Variants in FBXO2 observed in about 807,000 individuals in gnomAD.
The protein encoded by FBXO2 is F-box only protein 2.
FBXO2 carries 32 observed loss-of-function variants against 38.6 expected under a neutral mutation model. The observed-to-expected ratio is 0.83, with a 90% CI of 0.62 to 1.11. The LOEUF is 1.11. Ranked by LOEUF, FBXO2 falls within the 50% of genes most tolerant of loss-of-function variation. The probability of loss-of-function intolerance (pLI) is 0.00; values close to 1 mark genes in which losing one functional copy is unlikely to be tolerated. For synonymous variants in FBXO2, 189 were observed against 182.9 expected (o/e 1.03, Z -0.27); for missense variants, 450 against 418.3 (o/e 1.08, Z -0.66).
intron 1 of FBXO2, among the ~76,000 whole-genome samples, chr1:11,651,995 G>A (rs541338728): frequency 6.6e-5 from 10 of 152,162 alleles, no homozygotes; most frequent in Admixed American, 2.0e-4. Context: ...CACCACGCCC[G>A]GCTGACTTTT....
rs767723833 is a variant in FBXO2 at position 11,650,804 on chromosome 1, G to T, written c.53C>A (p.Pro18Gln). The T allele has an allele frequency of 1.3e-6, 2 of 1,541,820 alleles. No individual in the cohort carries two copies. Among genetic ancestry groups the T allele is most frequent in the South Asian group, 2.4e-5 (2 of 84,760 alleles). Residue 18 changes from proline to glutamine, a missense_variant, in exon 2 of 6, where the codon CCG becomes CAG. Pro to Gln is a moderately conservative substitution (Grantham distance 76, BLOSUM62 -1). Transcript: ENST00000354287. ...ACTCGCCTCCTCTGGCTGCTCCTCC[G>T]GGCTTGCCTCCTCGGGCTGGCCCAC... ...ESVGQPEEAS[P>Q]EEQPEEASAE...
intron 1 of FBXO2, among the ~76,000 whole-genome samples, chr1:11,653,714 G>A (rs774188571): frequency 5.9e-5 from 9 of 152,132 alleles, no homozygotes; most frequent in Non-Finnish European, 1.3e-4. Flanking sequence ...GGAGTTGGAG[G>A]GATGGGGGTG....
rs1320198243 is a variant in FBXO2 at position 11,654,309 on chromosome 1, C to A, written c.22+10G>T. 6.7e-7 allele frequency: 1 copy of A among 1,485,426 alleles called. No individual in the cohort carries two copies. Among genetic ancestry groups the A allele is most frequent in the Non-Finnish European group, 8.9e-7 (1 of 1,124,528 alleles). 92.0% of individuals were successfully genotyped at this position (1,485,426 alleles called of 1,614,324 possible). On this transcript the variant is annotated intron_variant, in intron 1 of 5. Transcript: ENST00000354287. ...TCCCCGCCGCAGCGAGCGGTCCAGGCGTCGGCTACCTGGGTCACCGTCTCC... is the reference window on the plus strand; with the variant it reads ...TCCCCGCCGCAGCGAGCGGTCCAGGAGTCGGCTACCTGGGTCACCGTCTCC...
rs959497374 is a variant in FBXO2 at position 11,648,636 on chromosome 1, T to C, written c.*58A>G. On this transcript the variant is annotated 3_prime_UTR_variant, in exon 6 of 6. Coordinates refer to ENST00000354287, the MANE Select transcript of FBXO2 (RefSeq NM_012168.6). The surrounding 1 kb of genome is among the most constrained non-coding windows in gnomAD (Gnocchi z 4.2). ...GGACGCTATGGACTAAGTTAAGGCCTATCTACCCTCGACCTTTGCCCCTCC... is the reference window on the plus strand; with the variant it reads ...GGACGCTATGGACTAAGTTAAGGCCCATCTACCCTCGACCTTTGCCCCTCC... 9 of 1,597,342 alleles carry C rather than the reference T, an allele frequency of 5.6e-6. No individual in the cohort carries two copies. The African/African-American group carries it at 1.1e-4, about 19-fold the overall frequency.
At chr1:11,650,979 G>T in intron 1 of FBXO2, 145 bp from the exon 2 acceptor site, 2 of 1,257,228 alleles carry the variant, frequency 1.6e-6, no homozygotes, top group Non-Finnish European at 2.1e-6. Flanking sequence ...CCATACTGGT[G>T]CCCAAGGAGG....
chr1:11,650,583 A>G lies in FBXO2; in HGVS notation c.274T>C (p.Cys92Arg), dbSNP rs749552045. The G allele has an allele frequency of 2.6e-5, 41 of 1,594,394 alleles. No individual in the cohort carries two copies. The highest frequency in any genetic ancestry group is 3.5e-5 in the Non-Finnish European group (41 of 1,173,186). ...TCGGGCACCAGCCCCTCCTGCTGGC[A>G]CTTGAGCAGCCACAGCGGGGCGCCG... ...VDGAPLWLLK[C>R]QQEGLVPEGG... Residue 92 changes from cysteine to arginine, a missense_variant, in exon 2 of 6, where the codon TGC becomes CGC. Transcript: ENST00000354287.
rs1570217383 is a variant in FBXO2 at position 11,648,639 on chromosome 1, C to T, written c.*55G>A. ...CGCTATGGACTAAGTTAAGGCCTATCTACCCTCGACCTTTGCCCCTCCAGG... is the reference window on the plus strand; with the variant it reads ...CGCTATGGACTAAGTTAAGGCCTATTTACCCTCGACCTTTGCCCCTCCAGG... On this transcript the variant is annotated 3_prime_UTR_variant, in exon 6 of 6. Transcript: ENST00000354287. This position sits in a 1 kb window ranked among gnomAD's most constrained non-coding sequence, Gnocchi z 4.2. 1.9e-6 allele frequency: 3 copies of T among 1,599,320 alleles called. No homozygotes were observed. The highest frequency in any genetic ancestry group is 4.5e-5 in the East Asian group (2 of 44,442).
At chr1:11,651,025 C>T (rs534452156) in intron 1 of FBXO2, among the ~76,000 whole-genome samples, 191 bp from the exon 2 acceptor site, 1 of 152,340 alleles carries the variant, frequency 6.6e-6, no homozygotes, top group South Asian at 2.1e-4. Flanking sequence ...CCGGATCAGC[C>T]CCTAAGTCCA....
At chr1:11,651,238 TC>T (rs1365921023) in intron 1 of FBXO2, among the ~76,000 whole-genome samples, 3 of 152,102 alleles carry the variant, frequency 2.0e-5, no homozygotes, top group Non-Finnish European at 4.4e-5. Flanking sequence ...TTCCGGGACT[TC>T]CCCCTATGAC....
chr1:11,649,029 C>A (rs1210480448), intron 5 of FBXO2, 58 bp downstream of exon 5: 10 of 1,423,884 alleles, frequency 7.0e-6, no homozygotes, highest in South Asian at 1.2e-5. Flanking sequence ...GGGGTCTCCT[C>A]GAGCCACGCC....
At chr1:11,650,103 T>A (rs1258656052) in intron 2 of FBXO2, 29 bp from the exon 3 acceptor site, 1 of 1,612,506 alleles carries the variant, frequency 6.2e-7, no homozygotes. Flanking sequence ...CCCACCCTGG[T>A]CACTCAGTCC....
rs1230635284 is a variant in FBXO2, at chr1:11,649,627, G to C, written c.617+152C>G. 5.7e-6 allele frequency: 4 copies of C among 705,604 alleles called. No individual in the cohort carries two copies. In the South Asian group the frequency reaches 7.4e-5, roughly 13 times the overall value. 43.7% of individuals were successfully genotyped at this position (705,604 alleles called of 1,614,324 possible). A position where few individuals can be genotyped will look rare whatever the true frequency, so the allele number is the denominator to read the frequency against. On this transcript the variant is annotated intron_variant, in intron 4 of 5. Transcript: ENST00000354287. ...GGTTTCCAGGTTCTCCTGCAAACACGGAAGTTGTCAACCTTTGCAGACCCG... is the reference window on the plus strand; with the variant it reads ...GGTTTCCAGGTTCTCCTGCAAACACCGAAGTTGTCAACCTTTGCAGACCCG...
Position 11,648,408 on chromosome 1 carries a change from A to T in FBXO2, c.*286T>A. ...TTCCTTCCTTGGACAAATAATATTT[A>T]TTGAGAGCCCACTTTGTGGCAAGCA... On this transcript the variant is annotated 3_prime_UTR_variant, in exon 6 of 6. Coordinates refer to ENST00000354287, the MANE Select transcript of FBXO2 (RefSeq NM_012168.6). This position sits in a 1 kb window ranked among gnomAD's most constrained non-coding sequence, Gnocchi z 4.2. 1 of 422,294 alleles carries T rather than the reference A, an allele frequency of 2.4e-6. No homozygotes were observed. The highest frequency in any genetic ancestry group is 4.3e-6 in the Non-Finnish European group (1 of 234,214). The allele number at this position is 422,294 out of a possible 1,614,324, so 26.2% of individuals were successfully genotyped here. A position where few individuals can be genotyped will look rare whatever the true frequency, so the allele number is the denominator to read the frequency against.
At position 11,650,086 on chromosome 1, in the gene FBXO2, C is replaced by A. The variant is rs1207469389; in HGVS notation, c.392-12G>T. The A allele has an allele frequency of 1.9e-6, 3 of 1,613,770 alleles. No homozygotes were observed. Among genetic ancestry groups the A allele is most frequent in the Non-Finnish European group, 2.5e-6 (3 of 1,179,884 alleles). ...GCCTTCCAAGTCCTCTGTAGGGACA[C>A]GACAGCCCCACCCTGGTCACTCAGT... is the stretch of plus-strand genomic sequence containing the variant. On this transcript the variant is annotated splice_polypyrimidine_tract_variant and intron_variant, in intron 2 of 5. Coordinates refer to ENST00000354287, the MANE Select transcript of FBXO2 (RefSeq NM_012168.6).
chr1:11,649,894 G>A lies in FBXO2; in HGVS notation c.522-20C>T, dbSNP rs1248418703. 1 of 1,613,978 alleles carries A rather than the reference G, an allele frequency of 6.2e-7. No homozygotes were observed. The highest frequency in any genetic ancestry group is 1.1e-5 in the South Asian group (1 of 91,072). On this transcript the variant is annotated intron_variant, in intron 3 of 5. Transcript: ENST00000354287. ...CACCACCTGGGAGAACTGGAGTTAG[G>A]ACAGAGCGAACGCTCCCCCCTTCCC...
intron 1 of FBXO2, 106 bp from the exon 2 acceptor site, chr1:11,650,940 C>G (rs1639511069): frequency 2.8e-6 from 4 of 1,412,076 alleles, no homozygotes; most frequent in Non-Finnish European, 3.7e-6. Context: ...GTGGGACAAT[C>G]CACAGCTGGG....
rs1639491056 is a variant in FBXO2 at position 11,650,260 on chromosome 1, C to T, written c.392-186G>A. ...CGGGAGGTATGTCCCCCATCCCGCC[C>T]TGCCCCAGCTGGCTGAGGGTGGGAG... On this transcript the variant is annotated intron_variant, in intron 2 of 5. Transcript: ENST00000354287. Among the ~76,000 whole-genome samples the T allele has an allele frequency of 2.0e-5, 3 of 152,190 alleles. No homozygotes were observed. In the South Asian group the frequency reaches 6.2e-4, roughly 31 times the overall value.
Position 11,648,870 on chromosome 1 carries a change from G to T in FBXO2, c.757-42C>A, listed in dbSNP as rs763365868. 1 of 1,606,946 alleles carries T rather than the reference G, an allele frequency of 6.2e-7. No individual in the cohort carries two copies. Among genetic ancestry groups the T allele is most frequent in the Non-Finnish European group, 8.5e-7 (1 of 1,175,434 alleles). On this transcript the variant is annotated intron_variant, in intron 5 of 5. Transcript: ENST00000354287. This position sits in a 1 kb window ranked among gnomAD's most constrained non-coding sequence, Gnocchi z 4.2. ...CAAGAGTCAGCCTCGGAGGTCCTGAGGCCTCTCCTGCCGCCCCACCCCGGT... is the reference window on the plus strand; with the variant it reads ...CAAGAGTCAGCCTCGGAGGTCCTGATGCCTCTCCTGCCGCCCCACCCCGGT...
rs553544846 is a variant in FBXO2, at chr1:11,651,152, T to A, written c.23-318A>T. Among the ~76,000 whole-genome samples, 4 of 152,312 alleles carry A rather than the reference T, an allele frequency of 2.6e-5. 1 individual carries two copies. The highest frequency in any genetic ancestry group is 9.6e-5 in the African/African-American group (4 of 41,572). On this transcript the variant is annotated intron_variant, in intron 1 of 5. Transcript: ENST00000354287. ...GGCATCCATCTATAGCACTGCACAG[T>A]GCTTCACACAGGAACTTCTTTCTTC...
Sources: gnomAD v4.1 joint callset for allele counts (sites outside exome capture counted in the v4.1 genomes callset) on GRCh38, gnomAD v4.1.1 for gene constraint, Gnocchi (gnomAD v3.1) non-coding constraint, MANE v1.5 for transcripts, NCBI Gene and HGNC (gene_info 2026-07-23, HGNC 2026-07-21) for gene names.